Variants in C12orf60 observed in about 807,000 individuals in gnomAD.
C12orf60 encodes chromosome 12 open reading frame 60.
For missense variants in C12orf60, 284 were observed against 283.2 expected (o/e 1.00, Z -0.02); for synonymous variants, 102 against 94.6 (o/e 1.08, Z -0.45).
At chr12:14,806,305 A>G (rs1459793970) in intron 1 of C12orf60, 6 of 1,614,218 alleles carry the variant, frequency 3.7e-6, no homozygotes, top group Non-Finnish European at 5.1e-6. Context: ...CTGGCTGCAG[A>G]TGTAGCTTCT....
intron 1 of C12orf60, among the ~76,000 whole-genome samples, chr12:14,819,008 G>A (rs1057403847): frequency 2.0e-5 from 3 of 151,914 alleles, no homozygotes; most frequent in African/African-American, 7.3e-5. Flanking sequence ...TCACTGTTCT[G>A]TATCTATAAA....
intron 1 of C12orf60, among the ~76,000 whole-genome samples, chr12:14,809,658 A>G (rs180752365): frequency 4.5e-4 from 68 of 152,336 alleles, no homozygotes; most frequent in African/African-American, 1.5e-3. Flanking sequence ...TAGCTAGAAG[A>G]AAATGGATAA....
At chr12:14,812,422 T>C (rs12146743) in intron 1 of C12orf60, among the ~76,000 whole-genome samples, 59,824 of 151,636 alleles carry the variant, frequency 0.39, 12,142 homozygotes, top group African/African-American at 0.48. Context: ...CCGGCCTGGG[T>C]GACAGAGGGA....
Position 14,803,747 on chromosome 12 carries a change from G to T in C12orf60, c.-29G>T, listed in dbSNP as rs1950002668. 2.7e-6 allele frequency: 1 copy of T among 364,584 alleles called. No homozygotes were observed. Among genetic ancestry groups the T allele is most frequent in the Non-Finnish European group, 4.9e-6 (1 of 205,106 alleles). 22.6% of individuals were successfully genotyped at this position (364,584 alleles called of 1,614,324 possible). A position where few individuals can be genotyped will look rare whatever the true frequency, so the allele number is the denominator to read the frequency against. On this transcript the variant is annotated 5_prime_UTR_variant, in exon 1 of 2. Coordinates refer to ENST00000330828, the MANE Select transcript of C12orf60 (RefSeq NM_175874.4). ...AGGCATCTTGACTTAGTTGCTGGGA[G>T]CCTGGTACGTTGAGCCGTCCGAGAA...
chr12:14,806,694 T>G, intron 1 of C12orf60: 2 of 1,561,486 alleles, frequency 1.3e-6, no homozygotes, highest in Non-Finnish European at 1.7e-6. Context: ...TCCAATATGA[T>G]CGCTGAAAAA....
intron 1 of C12orf60, among the ~76,000 whole-genome samples, chr12:14,816,408 G>C (rs991129714): frequency 4.6e-5 from 7 of 151,568 alleles, no homozygotes; most frequent in African/African-American, 1.7e-4. Context: ...ATTCAATTAC[G>C]ATTGTTTCAA....
At chr12:14,818,475 A>T (rs1444860555) in intron 1 of C12orf60, among the ~76,000 whole-genome samples, 6 of 152,190 alleles carry the variant, frequency 3.9e-5, no homozygotes, top group African/African-American at 1.2e-4. Flanking sequence ...TTGCCTTTGC[A>T]TCTTTGTTAA....
intron 1 of C12orf60, among the ~76,000 whole-genome samples, chr12:14,819,420 T>C (rs1048604709): frequency 6.6e-6 from 1 of 152,184 alleles, no homozygotes; most frequent in African/African-American, 2.4e-5. Context: ...CTAAGAACTT[T>C]TGTGTAGATT....
intron 1 of C12orf60, among the ~76,000 whole-genome samples, chr12:14,815,532 A>AG (rs759876025): frequency 2.0e-5 from 3 of 152,220 alleles, no homozygotes; most frequent in Admixed American, 6.5e-5. Flanking sequence ...AATAGTTTGT[A>AG]GATAGCCTTA....
chr12:14,819,832 G>T (rs1413213124), intron 1 of C12orf60, among the ~76,000 whole-genome samples: 2 of 151,930 alleles, frequency 1.3e-5, no homozygotes, highest in Non-Finnish European at 2.9e-5. Context: ...ACCTTAAATT[G>T]TTCTTAAGGA....
chr12:14,806,553 A>C, intron 1 of C12orf60: 1 of 1,614,170 alleles, frequency 6.2e-7, no homozygotes, highest in African/African-American at 1.3e-5. Context: ...GTGCATATTT[A>C]GAACCTCAGT....
rs1950335781 is a variant in C12orf60 at position 14,823,352 on chromosome 12, T to C, written c.417T>C (p.Ser139=). 1 of 1,614,120 alleles carries C rather than the reference T, an allele frequency of 6.2e-7. No homozygotes were observed. Among genetic ancestry groups the C allele is most frequent in the African/African-American group, 1.3e-5 (1 of 75,036 alleles). ...ACATCCTTGGGAGTCTGGAATCTTC[T>C]CTTTCACACTTGATGAAATTCCCCA... ...SSNILGSLES[S]LSHLMKFPIM... Residue 139 remains serine, a synonymous_variant, in exon 2 of 2, where the codon TCT becomes TCC. Coordinates refer to ENST00000330828, the MANE Select transcript of C12orf60 (RefSeq NM_175874.4).
chr12:14,807,546 C>G (rs1950072437), intron 1 of C12orf60, among the ~76,000 whole-genome samples: 1 of 152,168 alleles, frequency 6.6e-6, no homozygotes, highest in Admixed American at 6.5e-5. Context: ...ATATTCAAGT[C>G]ACTTTATATA....
intron 1 of C12orf60, chr12:14,806,521 T>C (rs1164345840): frequency 1.2e-6 from 2 of 1,614,148 alleles, no homozygotes; most frequent in East Asian, 4.5e-5. Flanking sequence ...TTCATCTCAA[T>C]GGAGGCCAGC....
chr12:14,814,670 A>G (rs996710742), intron 1 of C12orf60, among the ~76,000 whole-genome samples: 5 of 151,956 alleles, frequency 3.3e-5, no homozygotes, highest in Non-Finnish European at 2.9e-5. Context: ...CCTCTTTGTC[A>G]TTCTTTCTCT....
At chr12:14,817,156 GATTTTCTTCTGT>G (rs1445141856) in intron 1 of C12orf60, among the ~76,000 whole-genome samples, 3 of 151,970 alleles carry the variant, frequency 2.0e-5, no homozygotes, top group African/African-American at 7.3e-5. Flanking sequence ...AAAGTTACAA[GATTTTCTTCTGT>G]ATTTTCTTCT....
In C12orf60 at chr12:14,823,484, T is replaced by A. The variant is rs947891927; in HGVS notation, c.549T>A (p.Thr183=). ...TRSPPGSSKT[T]MIDTLKKLQD... Reference sequence around the variant, plus strand: ...GTCCTCCAGGTTCTTCCAAAACCACTATGATAGACACCTTGAAAAAACTGC... The same window carrying A: ...GTCCTCCAGGTTCTTCCAAAACCACAATGATAGACACCTTGAAAAAACTGC... The change falls in exon 2 of 2, where the codon ACT becomes ACA. Residue 183 remains threonine, a synonymous_variant. Transcript: ENST00000330828. 8.6e-6 allele frequency: 10 copies of A among 1,168,832 alleles called. No individual in the cohort carries two copies. In the Admixed American group the frequency reaches 1.4e-4, roughly 17 times the overall value. The allele number at this position is 1,168,832 out of a possible 1,614,324, so 72.4% of individuals were successfully genotyped here.
chr12:14,811,813 C>T (rs1950144075), intron 1 of C12orf60, among the ~76,000 whole-genome samples: 1 of 152,146 alleles, frequency 6.6e-6, no homozygotes, highest in African/African-American at 2.4e-5. Flanking sequence ...CGTTGACTGT[C>T]AAGTGCTGTT....
intron 1 of C12orf60, among the ~76,000 whole-genome samples, chr12:14,818,612 C>T (rs1481141391): frequency 6.6e-6 from 1 of 151,998 alleles, no homozygotes; most frequent in African/African-American, 2.4e-5. Context: ...AACCTCTTCT[C>T]TACTAAAATA....
Sources: allele counts gnomAD v4.1 joint callset (sites outside exome capture counted in the v4.1 genomes callset), GRCh38; gene constraint gnomAD v4.1.1; transcripts MANE v1.5; gene names NCBI Gene and HGNC (gene_info 2026-07-23, HGNC 2026-07-21).